APBB2: variants seen among roughly 807,000 people sequenced by gnomAD.
APBB2 encodes Fe65-like 1.
Under a neutral mutation model 82.5 loss-of-function variants are expected in APBB2, and 38 were observed. The ratio of observed to expected loss-of-function variants is 0.46; its 90% CI spans 0.36 to 0.60. The LOEUF is 0.60. APBB2 is among the 20% of genes least tolerant of loss of function. The pLI is 0.00. For missense variants in APBB2, 772 were observed against 972.3 expected, an observed-to-expected ratio of 0.79 and a Z score of 2.74; for synonymous variants, 341 against 368.2, an observed-to-expected ratio of 0.93 and a Z score of 0.85.
chr4:40,994,934 T>A (rs1803223840), intron 6 of APBB2, among the ~76,000 whole-genome samples: 1 of 151,458 alleles, frequency 6.6e-6, no homozygotes, highest in Non-Finnish European at 1.5e-5. Flanking sequence ...TAAGAAAGAT[T>A]GTATTGATCA....
At chr4:41,075,084 G>C (rs555427247) in intron 3 of APBB2, among the ~76,000 whole-genome samples, 3 of 152,160 alleles carry the variant, frequency 2.0e-5, no homozygotes, top group South Asian at 2.1e-4. Context: ...AATGAGTCAT[G>C]TTTGTGACAA....
At chr4:41,098,022 C>T (rs2061168669) in intron 3 of APBB2, among the ~76,000 whole-genome samples, 1 of 151,632 alleles carries the variant, frequency 6.6e-6, no homozygotes, top group Non-Finnish European at 1.5e-5. Flanking sequence ...CCTCCCCTCC[C>T]GTCCCCTCCC....
At chr4:40,828,902 T>C (rs925922624) in intron 13 of APBB2, among the ~76,000 whole-genome samples, 3 of 152,128 alleles carry the variant, frequency 2.0e-5, no homozygotes, top group South Asian at 4.2e-4. Context: ...TCAGGCACCA[T>C]GGCTTGGACC....
chr4:41,070,596 C>G (rs1191746269), intron 3 of APBB2, among the ~76,000 whole-genome samples: 2 of 152,178 alleles, frequency 1.3e-5, no homozygotes, highest in South Asian at 2.1e-4. Flanking sequence ...GCCACCATGC[C>G]TGGCCTGAAC....
At chr4:40,823,816 G>A in intron 15 of APBB2, 57 bp from the exon 16 acceptor site, 2 of 1,147,744 alleles carry the variant, frequency 1.7e-6, no homozygotes, top group Non-Finnish European at 2.6e-6. Flanking sequence ...ACACTCAAAT[G>A]TGGGCCCAAA....
intron 1 of APBB2, among the ~76,000 whole-genome samples, chr4:41,195,964 T>C: frequency 6.6e-6 from 1 of 152,112 alleles, no homozygotes; most frequent in Non-Finnish European, 1.5e-5. Context: ...ATCGAGACCA[T>C]CCTGGCTAAC....
At chr4:40,992,674 G>A (rs1579071269) in intron 6 of APBB2, among the ~76,000 whole-genome samples, 1 of 152,288 alleles carries the variant, frequency 6.6e-6, no homozygotes, top group East Asian at 1.9e-4. Flanking sequence ...ACCCCTGGAA[G>A]TAACGCGGGA....
intron 1 of APBB2, among the ~76,000 whole-genome samples, chr4:41,162,287 A>C (rs1765382309): frequency 6.6e-6 from 1 of 151,716 alleles, no homozygotes; most frequent in African/African-American, 2.4e-5. Flanking sequence ...CAACTGGTTA[A>C]AGTATTTCTT....
intron 4 of APBB2, among the ~76,000 whole-genome samples, chr4:41,059,905 G>A (rs1221572080): frequency 2.6e-5 from 4 of 151,872 alleles, no homozygotes; most frequent in Non-Finnish European, 4.4e-5. Context: ...TCTCCGCACC[G>A]GGAGGCAGAG....
intron 2 of APBB2, among the ~76,000 whole-genome samples, chr4:41,130,419 C>A (rs1755638930): frequency 6.6e-6 from 1 of 152,098 alleles, no homozygotes; most frequent in Non-Finnish European, 1.5e-5. Context: ...TGGATTATTC[C>A]AGTGACCTCC....
At chr4:40,853,361 A>C (rs1013039445) in intron 12 of APBB2, among the ~76,000 whole-genome samples, 12 of 134,044 alleles carry the variant, frequency 9.0e-5, no homozygotes, top group African/African-American at 2.5e-5. Flanking sequence ...CAAGCCCTAA[A>C]GGATCCTGTC....
chr4:41,163,111 G>A (rs1765604282), intron 1 of APBB2, among the ~76,000 whole-genome samples: 1 of 152,146 alleles, frequency 6.6e-6, no homozygotes, highest in Non-Finnish European at 1.5e-5. Flanking sequence ...TGGCAGTTTG[G>A]GCCCAGATGG....
At chr4:41,117,481 T>TG (rs1272653616) in intron 2 of APBB2, among the ~76,000 whole-genome samples, 1 of 152,024 alleles carries the variant, frequency 6.6e-6, no homozygotes, top group Non-Finnish European at 1.5e-5. Context: ...TTGATAAAGA[T>TG]GGGGTTTCAC....
rs757614902 is a variant in APBB2, at chr4:41,143,086, TCCGACCACAGCATGCTTGGCTA to T, written c.-382_-361del. On this transcript the variant is annotated 5_prime_UTR_variant, in exon 2 of 18. It removes an upstream start codon present in the reference 5' UTR. Transcript: ENST00000508593. ...TGTTTCTGTTCCACGGCTGGGCAGA[TCCGACCACAGCATGCTTGGCTA>T]CAGACCACAGCAGCTCACCCACAGC... 3.3e-5 allele frequency: 5 copies of T among 152,170 alleles called. No homozygotes were observed. The highest frequency in any genetic ancestry group is 5.9e-5 in the Non-Finnish European group (4 of 68,052). The allele number at this position is 152,170 out of a possible 1,614,324, so 9.4% of individuals were successfully genotyped here.
At chr4:40,960,338 T>G (rs1026990362) in intron 6 of APBB2, among the ~76,000 whole-genome samples, 1 of 150,266 alleles carries the variant, frequency 6.7e-6, no homozygotes, top group African/African-American at 2.5e-5. Context: ...AGTCAATAAA[T>G]AACACAAGAG....
rs572331019 is a variant in APBB2 at position 40,972,407 on chromosome 4, G to A, written c.836-27334C>T. Among the ~76,000 whole-genome samples, 816 of 141,286 alleles carry A rather than the reference G, an allele frequency of 5.8e-3. 12 individuals carry two copies. The highest frequency in any genetic ancestry group is 0.02 in the African/African-American group (743 of 36,852). The allele number at this position is 141,286 out of a possible 152,430, so 92.7% of individuals were successfully genotyped here. A position where few individuals can be genotyped will look rare whatever the true frequency, so the allele number is the denominator to read the frequency against. On this transcript the variant is annotated intron_variant, in intron 6 of 17. Coordinates refer to ENST00000508593, the MANE Select transcript of APBB2 (RefSeq NM_004307.2). ...GGCGCCACTGCGCTCCAGCCTGGGT[G>A]ACAGAGCGAGACTCCATCTCAAAAA... is the stretch of plus-strand genomic sequence containing the variant.
At chr4:40,850,351 C>T (rs1338201004) in intron 12 of APBB2, among the ~76,000 whole-genome samples, 1 of 152,090 alleles carries the variant, frequency 6.6e-6, no homozygotes, top group Non-Finnish European at 1.5e-5. Context: ...ACAAGTATGT[C>T]ATCTTAAAAA....
chr4:41,013,986 ATCCTGTGGGTGGGGC>A lies in APBB2; in HGVS notation c.417_431del (p.Glu139_Gln143del). On this transcript the variant is annotated inframe_deletion, in exon 6 of 18. Transcript: ENST00000508593. Reference sequence around the variant, plus strand: ...AGGGTAAAATCTCACAGCTCGAGGAATCCTGTGGGTGGGGCTCTTTACCCTCTAACTTCTCAGAAG... The same window carrying A: ...AGGGTAAAATCTCACAGCTCGAGGAATCTTTACCCTCTAACTTCTCAGAAG... 5.6e-6 allele frequency: 9 copies of A among 1,614,198 alleles called. No individual in the cohort carries two copies. The highest frequency in any genetic ancestry group is 7.6e-6 in the Non-Finnish European group (9 of 1,180,036).
Position 41,058,964 on chromosome 4 carries a change from G to A in APBB2, c.-51+6612C>T, listed in dbSNP as rs151096087. On this transcript the variant is annotated intron_variant, in intron 4 of 17. Transcript: ENST00000508593. ...AAAGATAGAACTTAAAGTCAGATGA[G>A]AGAAAGTTAAAGCTCTGAAGATGTA... is the stretch of plus-strand genomic sequence containing the variant. Among the ~76,000 whole-genome samples, 9 of 152,260 alleles carry A rather than the reference G, an allele frequency of 5.9e-5. No homozygotes were observed. In the East Asian group the frequency reaches 1.5e-3, roughly 26 times the overall value.
Sources: gnomAD v4.1 joint callset for allele counts (sites outside exome capture counted in the v4.1 genomes callset) on GRCh38, gnomAD v4.1.1 for gene constraint, MANE v1.5 for transcripts, NCBI Gene and HGNC (gene_info 2026-07-23, HGNC 2026-07-21) for gene names.